Variants in PACSIN2 observed in about 807,000 individuals in gnomAD.
The protein encoded by PACSIN2 is protein kinase C and casein kinase substrate in neurons protein 2.
Under a neutral mutation model 63.8 loss-of-function variants are expected in PACSIN2, and 25 were observed. The ratio of observed to expected loss-of-function variants is 0.39; its 90% CI spans 0.29 to 0.55. The LOEUF is 0.55. Among genes scored for constraint, PACSIN2 ranks in the 20% least tolerant of loss-of-function variants. The pLI is 0.62. For missense variants in PACSIN2, 518 were observed against 646.9 expected, an observed-to-expected ratio of 0.80 and a Z score of 2.16; for synonymous variants, 255 against 256.2, an observed-to-expected ratio of 1.00 and a Z score of 0.05.
intron 1 of PACSIN2, among the ~76,000 whole-genome samples, chr22:42,950,943 T>C (rs1214618246): frequency 6.6e-6 from 1 of 151,880 alleles, no homozygotes; most frequent in Non-Finnish European, 1.5e-5. Context: ...CATTAAGGGC[T>C]GGGGGAAAGC....
At chr22:42,904,955 C>T (rs1263670900) in intron 2 of PACSIN2, among the ~76,000 whole-genome samples, 1 of 152,146 alleles carries the variant, frequency 6.6e-6, no homozygotes, top group African/African-American at 2.4e-5. Flanking sequence ...CTAATGAGCA[C>T]TACGGACCCC....
At chr22:42,947,676 G>C (rs374475288) in intron 1 of PACSIN2, among the ~76,000 whole-genome samples, 3 of 122,306 alleles carry the variant, frequency 2.5e-5, no homozygotes, top group Non-Finnish European at 5.1e-5. Flanking sequence ...CCCTGGGGGT[G>C]GGGGGGGGGA....
intron 1 of PACSIN2, among the ~76,000 whole-genome samples, chr22:43,007,675 T>C (rs1330159054): frequency 5.9e-5 from 9 of 152,244 alleles, no homozygotes; most frequent in African/African-American, 2.2e-4. Context: ...CGCCCTCCTC[T>C]GTCGTGCAGT....
chr22:42,953,128 G>GA (rs551480116), intron 1 of PACSIN2, among the ~76,000 whole-genome samples: 64 of 147,412 alleles, frequency 4.3e-4, no homozygotes, highest in South Asian at 6.4e-4. Context: ...AAAAAAATCA[G>GA]AAAAAAAAAA....
At chr22:42,941,012 A>G (rs1230163748) in intron 1 of PACSIN2, among the ~76,000 whole-genome samples, 1 of 152,182 alleles carries the variant, frequency 6.6e-6, no homozygotes, top group Non-Finnish European at 1.5e-5. Context: ...CATCACCCCA[A>G]AAAGAAACCC....
At chr22:42,921,593 A>T (rs1932199037) in intron 1 of PACSIN2, among the ~76,000 whole-genome samples, 1 of 152,186 alleles carries the variant, frequency 6.6e-6, no homozygotes, top group African/African-American at 2.4e-5. Context: ...TGAGGGAACA[A>T]GAGAGAAATT....
chr22:42,895,979 A>C (rs908959700), intron 2 of PACSIN2, among the ~76,000 whole-genome samples: 2 of 152,226 alleles, frequency 1.3e-5, no homozygotes, highest in African/African-American at 2.4e-5. Context: ...AAAGCACTGC[A>C]GTCGTCCCAG....
intron 2 of PACSIN2, among the ~76,000 whole-genome samples, chr22:42,894,387 C>G (rs1387263931): frequency 6.6e-6 from 1 of 152,162 alleles, no homozygotes. Flanking sequence ...ACTACAGGCA[C>G]GCATGCCATC....
chr22:42,884,416 T>C lies in PACSIN2; in HGVS notation c.755A>G (p.Gln252Arg). 6.2e-7 allele frequency: 1 copy of C among 1,614,228 alleles called. No individual in the cohort carries two copies. Among genetic ancestry groups the C allele is most frequent in the Non-Finnish European group, 8.5e-7 (1 of 1,180,026 alleles). Residue 252 changes from glutamine to arginine, a missense_variant, in exon 6 of 11, where the codon CAG becomes CGG. Gln to Arg is a conservative substitution (Grantham distance 43, BLOSUM62 1). This residue lies in a region of PACSIN2 where 507 missense variants were observed against 612.3 expected (regional missense o/e 0.83). Coordinates refer to ENST00000263246, the MANE Select transcript of PACSIN2 (RefSeq NM_001184970.3). ...RFFREVLLEV[Q>R]KHLDLSNVAG... Reference sequence around the variant, plus strand: ...CACATTGGACAGGTCTAGGTGCTTCTGAACCTCCAGCAGAACCTCCCGGAA... The same window carrying C: ...CACATTGGACAGGTCTAGGTGCTTCCGAACCTCCAGCAGAACCTCCCGGAA...
At chr22:43,005,429 C>T (rs1924029837) in intron 1 of PACSIN2, among the ~76,000 whole-genome samples, 1 of 152,166 alleles carries the variant, frequency 6.6e-6, no homozygotes. Flanking sequence ...CATCATCAGG[C>T]CCTTACCCCA....
intron 1 of PACSIN2, among the ~76,000 whole-genome samples, chr22:42,926,611 A>G (rs985056513): frequency 6.6e-6 from 1 of 151,996 alleles, no homozygotes; most frequent in Non-Finnish European, 1.5e-5. Flanking sequence ...AGAAAAAGAG[A>G]GGGGGGAAAA....
chr22:42,917,136 C>T (rs888894579), intron 1 of PACSIN2, among the ~76,000 whole-genome samples: 12 of 152,080 alleles, frequency 7.9e-5, no homozygotes, highest in Admixed American at 3.3e-4. Flanking sequence ...TATGGGGTAG[C>T]GGTTTCGCCA....
At chr22:42,929,059 A>G (rs1017581670) in intron 1 of PACSIN2, among the ~76,000 whole-genome samples, 2 of 152,254 alleles carry the variant, frequency 1.3e-5, no homozygotes, top group Non-Finnish European at 2.9e-5. Context: ...CCGAGTAATT[A>G]TAAGAGTGTG....
rs186159546 is a variant in PACSIN2, at chr22:42,899,360, C to A, written c.61-5747G>T. ...GAAGCGCAGTGGTGCCATCTCGGCTCACTTGCAACCTCTGCCTCCCGGGTT... is the reference window on the plus strand; with the variant it reads ...GAAGCGCAGTGGTGCCATCTCGGCTAACTTGCAACCTCTGCCTCCCGGGTT... On this transcript the variant is annotated intron_variant, in intron 2 of 10. Transcript: ENST00000263246. 4.4e-3 allele frequency among the ~76,000 whole-genome samples: 672 copies of A among 152,220 alleles called. 20 individuals carry two copies. Among genetic ancestry groups the A allele is most frequent in the Non-Finnish European group, 1.1e-3 (73 of 68,028 alleles).
chr22:42,924,028 C>G (rs569802034), intron 1 of PACSIN2, among the ~76,000 whole-genome samples: 11 of 149,478 alleles, frequency 7.4e-5, no homozygotes, highest in African/African-American at 2.7e-4. Flanking sequence ...GGTGACAAAG[C>G]GAGACCTGGT....
intron 1 of PACSIN2, among the ~76,000 whole-genome samples, chr22:42,982,869 T>TATAAAA (rs2051358224): frequency 2.3e-5 from 1 of 44,010 alleles, no homozygotes; most frequent in South Asian, 1.0e-3. Flanking sequence ...GAATGATCAA[T>TATAAAA]AAAAAAAAAA....
In PACSIN2 at chr22:42,888,815, T is replaced by C. The variant is rs1238379048; in HGVS notation, c.454-17A>G. ...TGCTTCTACCTACAGGGAGAATGAG[T>C]TCCTGAATGCCATGTCACTGGGAGT... On this transcript the variant is annotated splice_polypyrimidine_tract_variant and intron_variant, in intron 4 of 10. Transcript: ENST00000263246. 1 of 1,613,628 alleles carries C rather than the reference T, an allele frequency of 6.2e-7. No individual in the cohort carries two copies. Among genetic ancestry groups the C allele is most frequent in the South Asian group, 1.1e-5 (1 of 91,062 alleles).
At chr22:42,999,380 T>C (rs1010528947) in intron 1 of PACSIN2, among the ~76,000 whole-genome samples, 1 of 152,188 alleles carries the variant, frequency 6.6e-6, no homozygotes, top group Non-Finnish European at 1.5e-5. Flanking sequence ...TTAAAAAATC[T>C]GTCTACAGGC....
At chr22:42,948,120 G>A (rs1023806128) in intron 1 of PACSIN2, among the ~76,000 whole-genome samples, 1 of 152,206 alleles carries the variant, frequency 6.6e-6, no homozygotes, top group Non-Finnish European at 1.5e-5. Flanking sequence ...CCAGGTAGAG[G>A]AACCTGTGTG....
Sources: allele counts gnomAD v4.1 joint callset (sites outside exome capture counted in the v4.1 genomes callset), GRCh38; gene constraint gnomAD v4.1.1; regional missense constraint gnomAD v4.1.1; transcripts MANE v1.5; gene names NCBI Gene and HGNC (gene_info 2026-07-23, HGNC 2026-07-21).